Variants in EPHA5 observed in about 807,000 individuals in gnomAD.
EPHA5 encodes the protein ephrin type-A receptor 5.
EPHA5 carries 60 observed loss-of-function variants against 105.0 expected under a neutral mutation model. The observed-to-expected ratio is 0.57, with a 90% CI of 0.46 to 0.71. The LOEUF is 0.71. EPHA5 is among the 30% of genes least tolerant of loss of function. The pLI, the probability that EPHA5 is intolerant of heterozygous loss-of-function variation, is 0.00. For synonymous variants in EPHA5, 513 were observed against 449.1 expected, an observed-to-expected ratio of 1.14 and a Z score of -1.80; for missense variants, 1,218 against 1,274.7, an observed-to-expected ratio of 0.96 and a Z score of 0.68.
chr4:65,360,044 G>T (rs1256356414), intron 11 of EPHA5, among the ~76,000 whole-genome samples: 1 of 151,548 alleles, frequency 6.6e-6, no homozygotes, highest in African/African-American at 2.4e-5. Context: ...TTAGAGCATT[G>T]CTAGTCCCTC....
chr4:65,329,626 C>G (rs1169546535), intron 16 of EPHA5, among the ~76,000 whole-genome samples: 1 of 151,254 alleles, frequency 6.6e-6, no homozygotes, highest in Non-Finnish European at 1.5e-5. Flanking sequence ...CTTCTACTAT[C>G]TTCTGACAAT....
chr4:65,445,916 T>C (rs1413508485), intron 5 of EPHA5, among the ~76,000 whole-genome samples: 1 of 152,192 alleles, frequency 6.6e-6, no homozygotes. Context: ...GAGTTCATTC[T>C]GAAATTGAAC....
At position 65,323,848 on chromosome 4, in the gene EPHA5, G is replaced by A; in HGVS notation, c.*266C>T. 3.5e-6 allele frequency: 1 copy of A among 287,378 alleles called. No individual in the cohort carries two copies. The highest frequency in any genetic ancestry group is 9.9e-5 in the South Asian group (1 of 10,072). 17.8% of individuals were successfully genotyped at this position (287,378 alleles called of 1,614,324 possible). A position where few individuals can be genotyped will look rare whatever the true frequency, so the allele number is the denominator to read the frequency against. Reference sequence around the variant, plus strand: ...AAAATTTTGTAGAAGTAGTGGGAAGGATTCTGTTGTTGTAACTTAAGATGA... The same window carrying A: ...AAAATTTTGTAGAAGTAGTGGGAAGAATTCTGTTGTTGTAACTTAAGATGA... On this transcript the variant is annotated 3_prime_UTR_variant, in exon 17 of 17. Transcript: ENST00000613740.
intron 3 of EPHA5, among the ~76,000 whole-genome samples, chr4:65,520,848 T>C (rs1292748621): frequency 1.3e-5 from 2 of 152,258 alleles, no homozygotes; most frequent in East Asian, 3.9e-4. Context: ...CTAGTTAGAA[T>C]TGCAATCATT....
chr4:65,557,258 A>ATATATATATT (rs1297322719), intron 3 of EPHA5, among the ~76,000 whole-genome samples: 1 of 145,118 alleles, frequency 6.9e-6, no homozygotes, highest in African/African-American at 2.5e-5. Context: ...ATATATATAT[A>ATATATATATT]TTCTCACACT....
At chr4:65,544,113 C>T (rs1737133923) in intron 3 of EPHA5, among the ~76,000 whole-genome samples, 1 of 151,860 alleles carries the variant, frequency 6.6e-6, no homozygotes, top group Non-Finnish European at 1.5e-5. Flanking sequence ...AACCCAAAAA[C>T]ATAAAAACAG....
intron 5 of EPHA5, among the ~76,000 whole-genome samples, chr4:65,446,356 T>A (rs925927799): frequency 1.3e-5 from 2 of 152,206 alleles, no homozygotes; most frequent in Non-Finnish European, 2.9e-5. Flanking sequence ...CTTTACTTAA[T>A]AAATATGCTT....
intron 11 of EPHA5, among the ~76,000 whole-genome samples, chr4:65,353,617 G>A (rs1723035336): frequency 6.6e-6 from 1 of 151,170 alleles, no homozygotes; most frequent in Non-Finnish European, 1.5e-5. Flanking sequence ...TATTTTAATA[G>A]AAATAATGAT....
chr4:65,470,741 T>C (rs1254315630), intron 5 of EPHA5, among the ~76,000 whole-genome samples: 1 of 152,206 alleles, frequency 6.6e-6, no homozygotes, highest in Non-Finnish European at 1.5e-5. Flanking sequence ...CTATCAATTA[T>C]GTTACATATG....
Position 65,331,483 on chromosome 4 carries a change from C to T in EPHA5, c.2945+490G>A, listed in dbSNP as rs112293971. 6.0e-5 allele frequency: 63 copies of T among 1,050,690 alleles called. 1 individual carries two copies. The African/African-American group carries it at 8.4e-4, about 14-fold the overall frequency. 65.1% of individuals were successfully genotyped at this position (1,050,690 alleles called of 1,614,324 possible). A position where few individuals can be genotyped will look rare whatever the true frequency, so the allele number is the denominator to read the frequency against. ...TTAGATTGAAAGAATGTAAGGTGCA[C>T]CATTTAGAAATTAAATGAGATCCTG... On this transcript the variant is annotated intron_variant, in intron 16 of 16. Coordinates refer to ENST00000613740, the MANE Select transcript of EPHA5 (RefSeq NM_001281766.3).
intron 8 of EPHA5, among the ~76,000 whole-genome samples, chr4:65,389,877 A>G (rs1720528877): frequency 6.6e-6 from 1 of 151,948 alleles, no homozygotes; most frequent in East Asian, 1.9e-4. Context: ...TGGGAAACAG[A>G]GGTTTTCCCC....
intron 5 of EPHA5, among the ~76,000 whole-genome samples, chr4:65,432,977 G>A (rs912779691): frequency 1.3e-5 from 2 of 152,044 alleles, no homozygotes; most frequent in African/African-American, 2.4e-5. Context: ...TACTTAACCT[G>A]ATGCTTCTAA....
At chr4:65,634,013 A>C (rs948016085) in intron 2 of EPHA5, among the ~76,000 whole-genome samples, 3 of 152,092 alleles carry the variant, frequency 2.0e-5, no homozygotes, top group African/African-American at 7.2e-5. Flanking sequence ...GATGGATTTC[A>C]CTGCATGAAC....
At chr4:65,578,917 C>T (rs889840240) in intron 3 of EPHA5, among the ~76,000 whole-genome samples, 5 of 151,580 alleles carry the variant, frequency 3.3e-5, no homozygotes, top group African/African-American at 7.3e-5. Context: ...CTAAAGACCG[C>T]TATTAAAAAA....
At chr4:65,465,523 G>GAAAGAAAGAAAGAAAGAAAGA (rs1560567305) in intron 5 of EPHA5, among the ~76,000 whole-genome samples, 4 of 86,516 alleles carry the variant, frequency 4.6e-5, no homozygotes, top group Non-Finnish European at 9.4e-5. Flanking sequence ...AAGAAAGAAA[G>GAAAGAAAGAAAGAAAGAAAGA]AAAGAAAAGA....
chr4:65,628,315 A>G (rs1746331260), intron 2 of EPHA5, among the ~76,000 whole-genome samples: 1 of 152,090 alleles, frequency 6.6e-6, no homozygotes, highest in South Asian at 2.1e-4. Flanking sequence ...AAAGGACAGC[A>G]CAATACATGT....
At chr4:65,632,098 C>A (rs1445750288) in intron 2 of EPHA5, among the ~76,000 whole-genome samples, 1 of 151,990 alleles carries the variant, frequency 6.6e-6, no homozygotes, top group East Asian at 1.9e-4. Context: ...TAGTATTATA[C>A]ATAATGTATA....
At chr4:65,379,341 T>A (rs28660482) in intron 8 of EPHA5, among the ~76,000 whole-genome samples, 7,609 of 151,432 alleles carry the variant, frequency 0.05, 344 homozygotes, top group African/African-American at 0.11. Context: ...CTAAACCAAG[T>A]TACATATCAT....
At chr4:65,548,957 T>C (rs1484914134) in intron 3 of EPHA5, among the ~76,000 whole-genome samples, 1 of 152,152 alleles carries the variant, frequency 6.6e-6, no homozygotes, top group Non-Finnish European at 1.5e-5. Context: ...AAAATAAAAT[T>C]ATTTGCCTCT....
Sources: allele counts gnomAD v4.1 joint callset (sites outside exome capture counted in the v4.1 genomes callset), GRCh38; gene constraint gnomAD v4.1.1; transcripts MANE v1.5; gene names NCBI Gene and HGNC (gene_info 2026-07-23, HGNC 2026-07-21).